Variants in PITPNC1 observed in about 807,000 individuals in gnomAD.
The protein encoded by PITPNC1 is cytoplasmic phosphatidylinositol transfer protein 1.
PITPNC1 carries 18 observed loss-of-function variants against 44.7 expected under a neutral mutation model. That is an observed-to-expected ratio of 0.40 (90% CI 0.28 to 0.60). The LOEUF is 0.60. Ranked by LOEUF, PITPNC1 falls within the 20% of genes least tolerant of loss-of-function variation. The pLI, the probability that PITPNC1 is intolerant of heterozygous loss-of-function variation, is 0.39. For synonymous variants in PITPNC1, 141 were observed against 149.6 expected (o/e 0.94, Z 0.42); for missense variants, 290 against 418.4 (o/e 0.69, Z 2.68).
intron 6 of PITPNC1, among the ~76,000 whole-genome samples, chr17:67,633,548 G>T (rs76152751): frequency 0.018 from 2,801 of 152,350 alleles, 91 homozygotes; most frequent in African/African-American, 0.063. Context: ...CCCAAAGGGT[G>T]AGCGTTTTAA....
At chr17:67,545,172 C>T (rs914686625) in intron 2 of PITPNC1, among the ~76,000 whole-genome samples, 2 of 151,768 alleles carry the variant, frequency 1.3e-5, no homozygotes, top group Non-Finnish European at 2.9e-5. Context: ...TATAGGCAGG[C>T]GTGGTAGCAC....
In PITPNC1 at chr17:67,494,179, CTTTCTTTTT is replaced by C. The variant is rs2039901172; in HGVS notation, c.49-38622_49-38614del. ...GTGTAACCTCTTTCTTTCTTTCTTTCTTTCTTTTTCTTTCTTTCTTTCTTTCTTTCTTTC... is the reference window on the plus strand; with the variant it reads ...GTGTAACCTCTTTCTTTCTTTCTTTCCTTTCTTTCTTTCTTTCTTTCTTTC... On this transcript the variant is annotated intron_variant, in intron 1 of 8. Coordinates refer to ENST00000581322, the MANE Select transcript of PITPNC1 (RefSeq NM_012417.4). 3.0e-5 allele frequency among the ~76,000 whole-genome samples: 2 copies of C among 65,994 alleles called. 1 individual carries two copies. The highest frequency in any genetic ancestry group is 1.2e-4 in the African/African-American group (2 of 16,114). The allele number at this position is 65,994 out of a possible 152,430, so 43.3% of individuals were successfully genotyped here. A position where few individuals can be genotyped will look rare whatever the true frequency, so the allele number is the denominator to read the frequency against.
intron 5 of PITPNC1, among the ~76,000 whole-genome samples, chr17:67,579,676 C>A (rs370431582): frequency 7.0e-6 from 1 of 142,414 alleles, no homozygotes; most frequent in East Asian, 2.0e-4. Context: ...CGGTAGCTCA[C>A]GCCTGTAATC....
chr17:67,575,920 A>G (rs1437365084), intron 4 of PITPNC1, among the ~76,000 whole-genome samples: 2 of 119,700 alleles, frequency 1.7e-5, no homozygotes, highest in Non-Finnish European at 3.2e-5. Context: ...TCTGTTGCCC[A>G]GACTGGAGTG....
chr17:67,495,896 G>C lies in PITPNC1; in HGVS notation c.49-36906G>C, dbSNP rs528313859. On this transcript the variant is annotated intron_variant, in intron 1 of 8. Transcript: ENST00000581322. The stretch of plus-strand genomic sequence containing the variant: ...TTGTCACGCTGACATGAATAGAGAG[G>C]GTTTTGTTTTTTAAGCCAAAGACGT... Among the ~76,000 whole-genome samples, 161 of 152,262 alleles carry C rather than the reference G, an allele frequency of 1.1e-3. 1 individual carries two copies. Among genetic ancestry groups the C allele is most frequent in the African/African-American group, 3.7e-3 (154 of 41,546 alleles).
intron 1 of PITPNC1, among the ~76,000 whole-genome samples, chr17:67,417,510 T>C (rs1383616396): frequency 6.6e-6 from 1 of 152,154 alleles, no homozygotes; most frequent in Non-Finnish European, 1.5e-5. Context: ...AACCTACATA[T>C]AATTTCTTGG....
At chr17:67,686,105 A>ACAGGCATGAGCCACCATGC (rs1210425200) in intron 8 of PITPNC1, among the ~76,000 whole-genome samples, 23 of 152,034 alleles carry the variant, frequency 1.5e-4, no homozygotes, top group Admixed American at 3.9e-4. Context: ...TGCTGGGATT[A>ACAGGCATGAGCCACCATGC]CAGGCATGAG....
intron 4 of PITPNC1, among the ~76,000 whole-genome samples, chr17:67,568,714 T>C (rs901886644): frequency 1.3e-5 from 2 of 152,012 alleles, no homozygotes; most frequent in South Asian, 2.1e-4. Context: ...GGGGGTGGGC[T>C]CCCAGAATAT....
At chr17:67,522,379 G>A (rs1458873320) in intron 1 of PITPNC1, among the ~76,000 whole-genome samples, 1 of 151,912 alleles carries the variant, frequency 6.6e-6, no homozygotes, top group African/African-American at 2.4e-5. Context: ...CAGGAATCAG[G>A]GAATCTCATG....
chr17:67,468,639 G>A (rs1358623578), intron 1 of PITPNC1, among the ~76,000 whole-genome samples: 5 of 150,974 alleles, frequency 3.3e-5, no homozygotes, highest in South Asian at 2.1e-4. Context: ...TCCTGACCTC[G>A]TGATCCGCCC....
intron 1 of PITPNC1, among the ~76,000 whole-genome samples, chr17:67,386,588 A>G (rs545723104): frequency 1.3e-5 from 2 of 152,322 alleles, no homozygotes; most frequent in East Asian, 1.9e-4. Context: ...GGGAATCACA[A>G]CGTTTTGGGT....
chr17:67,468,984 C>T (rs1157793717), intron 1 of PITPNC1, among the ~76,000 whole-genome samples: 2 of 152,196 alleles, frequency 1.3e-5, no homozygotes, highest in Non-Finnish European at 2.9e-5. Context: ...CTGCCTCGGC[C>T]TCCCAAAGTG....
At chr17:67,424,106 A>AAAAAAAAG in intron 1 of PITPNC1, among the ~76,000 whole-genome samples, 1 of 151,116 alleles carries the variant, frequency 6.6e-6, no homozygotes, top group Non-Finnish European at 1.5e-5. Context: ...AAAAAAAAAA[A>AAAAAAAAG]ATAGAGTTGA....
chr17:67,585,226 G>A (rs921571582), intron 5 of PITPNC1, among the ~76,000 whole-genome samples: 2 of 152,064 alleles, frequency 1.3e-5, no homozygotes, highest in Non-Finnish European at 2.9e-5. Context: ...TGTGCTAAGT[G>A]CTAGGAAAGC....
At chr17:67,415,796 T>C (rs1360653131) in intron 1 of PITPNC1, among the ~76,000 whole-genome samples, 1 of 152,202 alleles carries the variant, frequency 6.6e-6, no homozygotes, top group African/African-American at 2.4e-5. Flanking sequence ...GTTGTACTCT[T>C]CTTTCGTCTA....
At chr17:67,550,389 T>C (rs779743429) in intron 2 of PITPNC1, among the ~76,000 whole-genome samples, 3 of 149,588 alleles carry the variant, frequency 2.0e-5, no homozygotes, top group Non-Finnish European at 4.5e-5. Flanking sequence ...AGTCCATCTT[T>C]GTGTTTTCAA....
At chr17:67,436,908 G>GTTTTTTTTT (rs1044625193) in intron 1 of PITPNC1, among the ~76,000 whole-genome samples, 4 of 68,418 alleles carry the variant, frequency 5.8e-5, no homozygotes, top group Admixed American at 1.8e-4. Flanking sequence ...AAATAGGGGT[G>GTTTTTTTTT]TTTTTTTTTT....
chr17:67,501,337 C>A (rs2040027159), intron 1 of PITPNC1, among the ~76,000 whole-genome samples: 1 of 152,192 alleles, frequency 6.6e-6, no homozygotes, highest in Non-Finnish European at 1.5e-5. Flanking sequence ...GCTGTAGATG[C>A]ACTCCGGGTT....
At position 67,492,615 on chromosome 17, in the gene PITPNC1, T is replaced by G. The variant is rs536554296; in HGVS notation, c.49-40187T>G. On this transcript the variant is annotated intron_variant, in intron 1 of 8. Transcript: ENST00000581322. ...AACTAATAAAATCATCACACCTAGA[T>G]GAAGAAGCAGAATGTTTCCAAAACC... Among the ~76,000 whole-genome samples, 4 of 152,270 alleles carry G rather than the reference T, an allele frequency of 2.6e-5. No individual in the cohort carries two copies. In the South Asian group the frequency reaches 8.3e-4, roughly 32 times the overall value.
Sources: allele counts gnomAD v4.1 joint callset (sites outside exome capture counted in the v4.1 genomes callset), GRCh38; gene constraint gnomAD v4.1.1; transcripts MANE v1.5; gene names NCBI Gene and HGNC (gene_info 2026-07-23, HGNC 2026-07-21).